The following LMO7 variants were observed in gnomAD, a reference collection of about 807,000 sequenced individuals.
LMO7 encodes LIM domain only protein 7.
In LMO7, 120 loss-of-function variants were observed where a neutral mutation model predicts 206.5. The observed-to-expected ratio is 0.58, with a 90% CI of 0.50 to 0.68. LMO7 has a LOEUF of 0.68. Among genes scored for constraint, LMO7 ranks in the 30% least tolerant of loss-of-function variants. The pLI is 0.00. For synonymous variants in LMO7, 706 were observed against 681.5 expected, an observed-to-expected ratio of 1.04 and a Z score of -0.56; for missense variants, 1,959 against 1,957.9, an observed-to-expected ratio of 1.00 and a Z score of -0.01.
At chr13:75,632,862 G>GTTTT (rs10690832), upstream of LMO7, among the ~76,000 whole-genome samples, 49,249 of 101,878 alleles carry the variant, frequency 0.48, 15,787 homozygotes, top group East Asian at 0.58. Context: ...TTACTTAAAA[G>GTTTT]TTTTTTTTTT....
chr13:75,662,502 A>G (rs904641056), intron 1 of LMO7, among the ~76,000 whole-genome samples: 10 of 152,118 alleles, frequency 6.6e-5, no homozygotes, highest in Non-Finnish European at 1.3e-4. Context: ...TATTTTTTGC[A>G]GAGACGGGGT....
At chr13:75,779,236 G>A (rs1010826793) in intron 4 of LMO7, among the ~76,000 whole-genome samples, 5 of 152,106 alleles carry the variant, frequency 3.3e-5, no homozygotes, top group Non-Finnish European at 5.9e-5. Flanking sequence ...TAAATTCTGG[G>A]CAGAGATAAT....
chr13:75,693,993 T>C (rs1474811531), intron 1 of LMO7, among the ~76,000 whole-genome samples: 1 of 151,930 alleles, frequency 6.6e-6, no homozygotes, highest in Non-Finnish European at 1.5e-5. Context: ...TTAATCATTT[T>C]GCTTTTAGGG....
chr13:75,683,267 G>A (rs918769357), intron 1 of LMO7, among the ~76,000 whole-genome samples: 1 of 151,886 alleles, frequency 6.6e-6, no homozygotes, highest in African/African-American at 2.4e-5. Context: ...TGTGCTTGTG[G>A]TTCATATCTA....
chr13:75,853,143 G>C lies in LMO7; in HGVS notation c.4416G>C (p.Gln1472His). The change falls in exon 28 of 31, where the codon CAG (glutamine) becomes CAC (histidine). Residue 1472 changes from glutamine to histidine, a missense_variant. Gln to His is a conservative substitution (Grantham distance 24, BLOSUM62 0). Transcript: ENST00000377534. Reference protein sequence around the residue: ...LDSPRSNSWRQPPWLNQPTGF... With the variant: ...LDSPRSNSWRHPPWLNQPTGF... ...CCCCCCGATCCAATTCTTGGAGACA[G>C]CCTCCTTGGCTCAATCAGCCCACAG... 1 of 1,613,478 alleles carries C rather than the reference G, an allele frequency of 6.2e-7. No homozygotes were observed. Among genetic ancestry groups the C allele is most frequent in the Non-Finnish European group, 8.5e-7 (1 of 1,179,698 alleles).
chr13:75,717,397 A>T (rs1406796895), intron 2 of LMO7, among the ~76,000 whole-genome samples: 2 of 150,482 alleles, frequency 1.3e-5, no homozygotes, highest in Non-Finnish European at 3.0e-5. Flanking sequence ...AAACAAAAAA[A>T]CACAACTCTT....
rs1007804708 is a variant in LMO7, at chr13:75,756,697, T to C, written c.211-4235T>C. On this transcript the variant is annotated intron_variant, in intron 3 of 30. Coordinates refer to ENST00000377534, the MANE Select transcript of LMO7 (RefSeq NM_001306080.2). The stretch of plus-strand genomic sequence containing the variant: ...CTGTCACTCTATTGCATGTTGGGAG[T>C]GTGGGAGCAGGTAACTTGTCTTAGT... Among the ~76,000 whole-genome samples, 10 of 152,078 alleles carry C rather than the reference T, an allele frequency of 6.6e-5. No individual in the cohort carries two copies. In the South Asian group the frequency reaches 1.2e-3, roughly 19 times the overall value.
chr13:75,633,841 C>CT (rs60769000), upstream of LMO7, among the ~76,000 whole-genome samples: 847 of 64,700 alleles, frequency 0.013, 2 homozygotes, highest in African/African-American at 0.024. Context: ...GTGTCTTTTC[C>CT]TTTTTTTTTT....
chr13:75,640,668 T>C (rs1484677606), intron 1 of LMO7, among the ~76,000 whole-genome samples: 1 of 152,232 alleles, frequency 6.6e-6, no homozygotes, highest in East Asian at 1.9e-4. Context: ...TGCTTGAGTG[T>C]TTGGCATGGT....
intron 1 of LMO7, among the ~76,000 whole-genome samples, chr13:75,649,553 T>C (rs185370516): frequency 1.2e-3 from 179 of 152,244 alleles, no homozygotes; most frequent in African/African-American, 4.1e-3. Context: ...GTTGAAAGTA[T>C]AGATTTGGAG....
chr13:75,677,652 T>C (rs1257009450), intron 1 of LMO7, among the ~76,000 whole-genome samples: 2 of 151,456 alleles, frequency 1.3e-5, no homozygotes, highest in Non-Finnish European at 2.9e-5. Flanking sequence ...CTTTTTTTTT[T>C]TTATTATACT....
Position 75,808,150 on chromosome 13 carries a change from A to G in LMO7, c.1867A>G (p.Ile623Val), listed in dbSNP as rs1288940786. The G allele has an allele frequency of 6.2e-7, 1 of 1,613,850 alleles. No homozygotes were observed. Among genetic ancestry groups the G allele is most frequent in the South Asian group, 1.1e-5 (1 of 91,074 alleles). ...SEADLKRWEA[I>V]REASRLRHKK... is the part of the protein sequence containing the mutation. ...GGCTGACTTGAAGAGATGGGAGGCC[A>G]TCCGGGAGGCCAGCAGACTTAGGCA... The change falls in exon 10 of 31, where the codon ATC becomes GTC. Residue 623 changes from isoleucine to valine, a missense_variant. Coordinates refer to ENST00000377534, the MANE Select transcript of LMO7 (RefSeq NM_001306080.2).
At chr13:75,700,817 A>G (rs964843760) in intron 1 of LMO7, among the ~76,000 whole-genome samples, 7 of 152,338 alleles carry the variant, frequency 4.6e-5, no homozygotes, top group African/African-American at 1.2e-4. Context: ...TCATCACACT[A>G]TGCAAAACAA....
Position 75,821,440 on chromosome 13 carries a change from C to T in LMO7, c.2471C>T (p.Ser824Phe). Residue 824 changes from serine (S) to phenylalanine (F), a missense_variant, in exon 14 of 31, where the codon TCT becomes TTT. Transcript: ENST00000377534. ...CCTGTGGAAGAACAAAGCCCAGCCTCTTTGTCTTCTCTGCGTTCACGGAGC... is the reference window on the plus strand; with the variant it reads ...CCTGTGGAAGAACAAAGCCCAGCCTTTTTGTCTTCTCTGCGTTCACGGAGC... ...QSPVEEQSPASLSSLRSRSTQ... is the reference protein window; with the variant it reads ...QSPVEEQSPAFLSSLRSRSTQ... 1.2e-6 allele frequency: 2 copies of T among 1,614,186 alleles called. No homozygotes were observed. Among genetic ancestry groups the T allele is most frequent in the Non-Finnish European group, 1.7e-6 (2 of 1,180,030 alleles).
At chr13:75,638,501 A>G (rs2036195599) in intron 1 of LMO7, among the ~76,000 whole-genome samples, 1 of 152,170 alleles carries the variant, frequency 6.6e-6, no homozygotes, top group Admixed American at 6.5e-5. Flanking sequence ...TATTTTGTTC[A>G]TCGTTAGCAG....
At chr13:75,764,297 A>G (rs1053440690) in intron 4 of LMO7, among the ~76,000 whole-genome samples, 4 of 152,168 alleles carry the variant, frequency 2.6e-5, no homozygotes, top group African/African-American at 7.2e-5. Flanking sequence ...AAACTGGATC[A>G]TCATTCTTAA....
chr13:75,636,754 C>A, intron 1 of LMO7, 28 bp downstream of exon 1: 1 of 1,590,616 alleles, frequency 6.3e-7, no homozygotes, highest in East Asian at 2.3e-5. Flanking sequence ...CTTTCCCTTC[C>A]GCAGGTGTTG....
chr13:75,743,971 A>T (rs1432915761), intron 3 of LMO7, among the ~76,000 whole-genome samples: 1 of 152,206 alleles, frequency 6.6e-6, no homozygotes, highest in African/African-American at 2.4e-5. Flanking sequence ...TTGTAATTTG[A>T]CATAGTTTGA....
At chr13:75,758,377 A>C (rs370629178) in intron 3 of LMO7, among the ~76,000 whole-genome samples, 5 of 152,298 alleles carry the variant, frequency 3.3e-5, no homozygotes, top group African/African-American at 9.6e-5. Context: ...GGAATAAATT[A>C]CCAGTGAGCT....
Sources: allele counts gnomAD v4.1 joint callset (sites outside exome capture counted in the v4.1 genomes callset), GRCh38; gene constraint gnomAD v4.1.1; transcripts MANE v1.5; gene names NCBI Gene and HGNC (gene_info 2026-07-23, HGNC 2026-07-21).